Variants in CDK19 observed in about 807,000 individuals in gnomAD.
CDK19 encodes cyclin dependent kinase 19.
Under a neutral mutation model 68.3 loss-of-function variants are expected in CDK19, and 20 were observed. That is an observed-to-expected ratio of 0.29 (90% confidence interval 0.21 to 0.43). The LOEUF is 0.43. Ranked by LOEUF, CDK19 falls within the 20% of genes least tolerant of loss-of-function variation. The pLI is 1.00. For synonymous variants in CDK19, 221 were observed against 222.8 expected (o/e 0.99, Z 0.07); for missense variants, 339 against 623.5 (o/e 0.54, Z 4.86).
At chr6:110,637,336 G>T (rs183647430) in intron 5 of CDK19, among the ~76,000 whole-genome samples, 6 of 152,272 alleles carry the variant, frequency 3.9e-5, no homozygotes, top group Admixed American at 1.3e-4. Flanking sequence ...TGGTGGAAGT[G>T]GGGGAGGGAA....
intron 1 of CDK19, among the ~76,000 whole-genome samples, chr6:110,753,619 C>T (rs1039867166): frequency 7.3e-5 from 11 of 151,340 alleles, no homozygotes; most frequent in African/African-American, 2.7e-4. Flanking sequence ...CTCCTAGGCT[C>T]AAGAGATCCT....
rs529322677 is a variant in CDK19 at position 110,766,036 on chromosome 6, T to C, written c.129-19835A>G. Among the ~76,000 whole-genome samples the C allele has an allele frequency of 3.3e-5, 5 of 152,288 alleles. No homozygotes were observed. The East Asian group carries it at 5.8e-4, about 18-fold the overall frequency. On this transcript the variant is annotated intron_variant, in intron 1 of 12. Transcript: ENST00000368911. ...AATACAGCCATTATGGAAAACAGTA[T>C]GAACATTCCTCAAAAAACTGAAAAT...
intron 1 of CDK19, among the ~76,000 whole-genome samples, chr6:110,754,771 T>G (rs1415028862): frequency 1.3e-5 from 2 of 152,192 alleles, no homozygotes; most frequent in Non-Finnish European, 2.9e-5. Context: ...TCAGCCACCC[T>G]GCCTGGCCTA....
Position 110,723,665 on chromosome 6 carries a change from C to G in CDK19, c.204+22461G>C, listed in dbSNP as rs189078536. Among the ~76,000 whole-genome samples, 33 of 152,306 alleles carry G rather than the reference C, an allele frequency of 2.2e-4. 1 individual carries two copies. Among genetic ancestry groups the G allele is most frequent in the African/African-American group, 7.2e-4 (30 of 41,574 alleles). ...AAGTTCTAAATAAAACAAACTTACA[C>G]TAATCACTCCTGATTTTCACAAATG... is the stretch of plus-strand genomic sequence containing the variant. On this transcript the variant is annotated intron_variant, in intron 2 of 12. Transcript: ENST00000368911.
chr6:110,658,828 A>G (rs1781457225), intron 4 of CDK19, among the ~76,000 whole-genome samples: 1 of 152,190 alleles, frequency 6.6e-6, no homozygotes, highest in Non-Finnish European at 1.5e-5. Context: ...AAGAGGTTAA[A>G]GAAAGGGCAT....
In CDK19 at chr6:110,715,499, C is replaced by T. The variant is rs770250127; in HGVS notation, c.204+30627G>A. On this transcript the variant is annotated intron_variant, in intron 2 of 12. Transcript: ENST00000368911. Reference sequence around the variant, plus strand: ...TGTGTATTCAGTTCTTTGGCAGAAACTTTTTTTTTTGAGACTAGTCGCTCT... The same window carrying T: ...TGTGTATTCAGTTCTTTGGCAGAAATTTTTTTTTTTGAGACTAGTCGCTCT... Among the ~76,000 whole-genome samples, 407 of 150,146 alleles carry T rather than the reference C, an allele frequency of 2.7e-3. 4 individuals carry two copies. The highest frequency in any genetic ancestry group is 6.1e-3 in the East Asian group (31 of 5,116).
At chr6:110,765,104 T>G (rs1779485740) in intron 1 of CDK19, among the ~76,000 whole-genome samples, 1 of 151,414 alleles carries the variant, frequency 6.6e-6, no homozygotes, top group Non-Finnish European at 1.5e-5. Context: ...AAACTTAGGC[T>G]CTGTGAAAGG....
At chr6:110,808,337 C>T (rs1051520531) in intron 1 of CDK19, among the ~76,000 whole-genome samples, 1 of 151,478 alleles carries the variant, frequency 6.6e-6, no homozygotes, top group African/African-American at 2.4e-5. Flanking sequence ...GACATCACTG[C>T]TCTACACCAG....
intron 4 of CDK19, among the ~76,000 whole-genome samples, chr6:110,657,278 C>T (rs1448693507): frequency 6.6e-6 from 1 of 152,082 alleles, no homozygotes; most frequent in Non-Finnish European, 1.5e-5. Context: ...TGATTATGGC[C>T]CTCCCTATAG....
intron 6 of CDK19, among the ~76,000 whole-genome samples, chr6:110,628,725 TA>T (rs1779252657): frequency 6.6e-6 from 1 of 152,208 alleles, no homozygotes; most frequent in Non-Finnish European, 1.5e-5. Context: ...TGCTCTCTCC[TA>T]AAACAAATTG....
At chr6:110,747,846 A>G (rs922987133) in intron 1 of CDK19, among the ~76,000 whole-genome samples, 2 of 152,226 alleles carry the variant, frequency 1.3e-5, no homozygotes, top group African/African-American at 4.8e-5. Context: ...GAAGCCATTA[A>G]GAAGCATAAA....
Position 110,621,983 on chromosome 6 carries a change from TATTAGAAAAGGTGG to T in CDK19, c.1110+91_1110+104del. On this transcript the variant is annotated intron_variant, in intron 11 of 12. Coordinates refer to ENST00000368911, the MANE Select transcript of CDK19 (RefSeq NM_015076.5). This position sits in a 1 kb window ranked among gnomAD's most constrained non-coding sequence, Gnocchi z 5.4. The stretch of plus-strand genomic sequence containing the variant: ...TAAGATACATTCAAATTTAATTAAA[TATTAGAAAAGGTGG>T]TTAAATGTATAGGAATTATGGAACG... The T allele has an allele frequency of 1.7e-6, 1 of 592,418 alleles. No homozygotes were observed. Among genetic ancestry groups the T allele is most frequent in the Non-Finnish European group, 2.9e-6 (1 of 345,108 alleles). 36.7% of individuals were successfully genotyped at this position (592,418 alleles called of 1,614,324 possible).
At chr6:110,649,984 A>T (rs1780861337) in intron 4 of CDK19, among the ~76,000 whole-genome samples, 1 of 152,244 alleles carries the variant, frequency 6.6e-6, no homozygotes, top group South Asian at 2.1e-4. Context: ...CATTTTTAAA[A>T]ATGCCAGATT....
At chr6:110,765,247 G>A (rs1406720673) in intron 1 of CDK19, among the ~76,000 whole-genome samples, 6 of 151,886 alleles carry the variant, frequency 4.0e-5, no homozygotes, top group Non-Finnish European at 2.9e-5. Context: ...GCAGGACCAC[G>A]TCTCTACAAA....
chr6:110,643,137 C>T, intron 4 of CDK19: 1 of 1,242,722 alleles, frequency 8.0e-7, no homozygotes, highest in Admixed American at 2.6e-5. Flanking sequence ...CTAAAGGAAA[C>T]CTAGATGCTA....
At chr6:110,776,347 T>A (rs1780391982) in intron 1 of CDK19, among the ~76,000 whole-genome samples, 1 of 151,872 alleles carries the variant, frequency 6.6e-6, no homozygotes, top group African/African-American at 2.4e-5. Flanking sequence ...GAGAATCGCT[T>A]GAACCTGGGA....
rs142825203 is a variant in CDK19, at chr6:110,699,235, G to A, written c.205-28694C>T. Among the ~76,000 whole-genome samples the A allele has an allele frequency of 9.8e-3, 1,488 of 151,956 alleles. 13 individuals are homozygous for A. Among genetic ancestry groups the A allele is most frequent in the Non-Finnish European group, 0.016 (1,104 of 67,974 alleles). ...AGGTCAGGAGTTCAAGACCAGCCTC[G>A]ACAACATGGTGAAACCCTGTCTCTA... On this transcript the variant is annotated intron_variant, in intron 2 of 12. Coordinates refer to ENST00000368911, the MANE Select transcript of CDK19 (RefSeq NM_015076.5).
chr6:110,626,593 A>G (rs1048099145), intron 8 of CDK19, among the ~76,000 whole-genome samples, 183 bp downstream of exon 8: 2 of 152,194 alleles, frequency 1.3e-5, no homozygotes, highest in African/African-American at 4.8e-5. Flanking sequence ...ACACAGCAAC[A>G]AGGTGTCACC....
intron 2 of CDK19, among the ~76,000 whole-genome samples, chr6:110,713,108 A>C (rs1426383126): frequency 6.7e-6 from 1 of 149,478 alleles, no homozygotes; most frequent in Non-Finnish European, 1.5e-5. Flanking sequence ...GACACAGGAG[A>C]CTCGCTTGAA....
Sources: gnomAD v4.1 joint callset for allele counts (sites outside exome capture counted in the v4.1 genomes callset) on GRCh38, gnomAD v4.1.1 for gene constraint, Gnocchi (gnomAD v3.1) non-coding constraint, MANE v1.5 for transcripts, NCBI Gene and HGNC (gene_info 2026-07-23, HGNC 2026-07-21) for gene names.